The following SDK1 variants were observed in gnomAD, a reference collection of about 807,000 sequenced individuals.
SDK1 encodes sidekick cell adhesion molecule 1, also known as protein sidekick-1.
SDK1 carries 157 observed loss-of-function variants against 245.5 expected under a neutral mutation model. That is an observed-to-expected ratio of 0.64 (90% CI 0.56 to 0.73). The LOEUF is 0.73. SDK1 is among the 30% of genes least tolerant of loss of function. The pLI is 0.00. For synonymous variants in SDK1, 1,647 were observed against 1,278.5 expected (o/e 1.29, Z -6.15); for missense variants, 3,583 against 3,002.3 (o/e 1.19, Z -4.52).
rs539396350 is a variant in SDK1, at chr7:3,865,460, T to C, written c.847+43877T>C. On this transcript the variant is annotated intron_variant, in intron 5 of 44. Transcript: ENST00000404826. Reference sequence around the variant, plus strand: ...TGCTTTGTAGGCAGAAATGAAAGAATAGCCACCAGATAGAAACCAGGTGTC... The same window carrying C: ...TGCTTTGTAGGCAGAAATGAAAGAACAGCCACCAGATAGAAACCAGGTGTC... Among the ~76,000 whole-genome samples, 452 of 152,320 alleles carry C rather than the reference T, an allele frequency of 3.0e-3. 5 individuals carry two copies. Among genetic ancestry groups the C allele is most frequent in the African/African-American group, 0.011 (440 of 41,578 alleles).
At chr7:3,443,642 C>A (rs1008994428) in intron 1 of SDK1, among the ~76,000 whole-genome samples, 2 of 152,144 alleles carry the variant, frequency 1.3e-5, no homozygotes, top group African/African-American at 4.8e-5. Context: ...ACACTAGCCT[C>A]CATGCTGGTT....
At chr7:4,051,524 C>T in intron 18 of SDK1, 114 bp from the exon 19 acceptor site, 1 of 889,992 alleles carries the variant, frequency 1.1e-6, no homozygotes. Flanking sequence ...GATTTATGGA[C>T]TTTCTTAATT....
intron 4 of SDK1, among the ~76,000 whole-genome samples, chr7:3,687,448 T>C (rs1784320153): frequency 6.6e-6 from 1 of 152,182 alleles, no homozygotes; most frequent in African/African-American, 2.4e-5. Flanking sequence ...TTATTCATAA[T>C]CACCCCAAAC....
intron 4 of SDK1, among the ~76,000 whole-genome samples, chr7:3,789,181 C>T (rs1781003431): frequency 6.6e-6 from 1 of 152,074 alleles, no homozygotes. Context: ...GAGTTTCACT[C>T]CTGTTACCCA....
chr7:4,176,352 A>G (rs1584374074), intron 34 of SDK1, among the ~76,000 whole-genome samples: 1 of 151,922 alleles, frequency 6.6e-6, no homozygotes, highest in South Asian at 2.1e-4. Flanking sequence ...TTGTTTTTTA[A>G]GAGACGGGTT....
intron 4 of SDK1, among the ~76,000 whole-genome samples, chr7:3,661,852 T>A (rs1783370373): frequency 6.6e-6 from 1 of 152,080 alleles, no homozygotes; most frequent in Admixed American, 6.5e-5. Flanking sequence ...TGTGTAAAGC[T>A]GGTGTAGTAA....
At chr7:3,331,609 C>T (rs922852131) in intron 1 of SDK1, among the ~76,000 whole-genome samples, 3 of 152,156 alleles carry the variant, frequency 2.0e-5, no homozygotes, top group African/African-American at 4.8e-5. Context: ...AGTGCAAAAG[C>T]GTTTAATTCT....
At chr7:4,194,153 G>C (rs1466302341) in intron 35 of SDK1, among the ~76,000 whole-genome samples, 1 of 151,988 alleles carries the variant, frequency 6.6e-6, no homozygotes, top group Non-Finnish European at 1.5e-5. Flanking sequence ...ACCAAAATCT[G>C]TATTAGTCAG....
intron 13 of SDK1, among the ~76,000 whole-genome samples, chr7:3,974,928 C>T (rs1434257819): frequency 6.6e-5 from 10 of 152,146 alleles, no homozygotes; most frequent in Non-Finnish European, 1.3e-4. Context: ...TGGAGTGGGA[C>T]TGCTGAGGCG....
rs111467979 is a variant in SDK1, at chr7:3,479,963, G to A, written c.299-139117G>A. Among the ~76,000 whole-genome samples the A allele has an allele frequency of 3.3e-4, 50 of 151,866 alleles. 1 individual carries two copies. The highest frequency in any genetic ancestry group is 8.2e-4 in the African/African-American group (34 of 41,380). ...ATATGCTTTGAAGCTATGTTATTAG[G>A]TACTGTGATAGGCAGAATAATGCCC... On this transcript the variant is annotated intron_variant, in intron 1 of 44. Coordinates refer to ENST00000404826, the MANE Select transcript of SDK1 (RefSeq NM_152744.4).
intron 4 of SDK1, among the ~76,000 whole-genome samples, chr7:3,649,331 C>T (rs560052118): frequency 2.6e-5 from 4 of 152,086 alleles, no homozygotes; most frequent in Admixed American, 1.3e-4. Flanking sequence ...TTTCAAAGTT[C>T]ATAGATGGAT....
At chr7:3,888,561 A>G (rs1781388124) in intron 5 of SDK1, among the ~76,000 whole-genome samples, 1 of 152,388 alleles carries the variant, frequency 6.6e-6, no homozygotes, top group African/African-American at 2.4e-5. Context: ...TAATTCCTTG[A>G]TAATGGCATT....
chr7:3,475,258 C>CT (rs986872697), intron 1 of SDK1, among the ~76,000 whole-genome samples: 2 of 152,170 alleles, frequency 1.3e-5, no homozygotes, highest in African/African-American at 4.8e-5. Context: ...CTGGCCCTTC[C>CT]TTGGATACTT....
intron 1 of SDK1, among the ~76,000 whole-genome samples, chr7:3,598,270 G>C (rs1005810017): frequency 6.6e-6 from 1 of 152,094 alleles, no homozygotes; most frequent in Non-Finnish European, 1.5e-5. Context: ...TCATTGATGA[G>C]TAGGCATTCT....
intron 35 of SDK1, among the ~76,000 whole-genome samples, chr7:4,181,834 G>A (rs1277654585): frequency 2.0e-5 from 3 of 152,220 alleles, no homozygotes; most frequent in Non-Finnish European, 2.9e-5. Flanking sequence ...CAGCAGAGCC[G>A]GTTCCCACAG....
chr7:3,580,264 A>G (rs767745640), intron 1 of SDK1, among the ~76,000 whole-genome samples: 1 of 152,196 alleles, frequency 6.6e-6, no homozygotes, highest in Non-Finnish European at 1.5e-5. Flanking sequence ...ACTACCCATA[A>G]CATTCTTCAC....
At chr7:3,503,654 G>C (rs186065557) in intron 1 of SDK1, among the ~76,000 whole-genome samples, 1 of 152,040 alleles carries the variant, frequency 6.6e-6, no homozygotes, top group Non-Finnish European at 1.5e-5. Context: ...TCCAGCCTGG[G>C]TGATAGAGCC....
intron 1 of SDK1, among the ~76,000 whole-genome samples, chr7:3,491,597 C>T (rs762759897): frequency 6.6e-6 from 1 of 152,200 alleles, no homozygotes; most frequent in Non-Finnish European, 1.5e-5. Flanking sequence ...ATGAGATTTA[C>T]TTAGAAAGGG....
rs371754353 is a variant in SDK1 at position 4,145,832 on chromosome 7, G to A, written c.4339G>A (p.Ala1447Thr). 174 of 1,613,800 alleles carry A rather than the reference G, an allele frequency of 1.1e-4. No homozygotes were observed. The highest frequency in any genetic ancestry group is 1.7e-4 in the Middle Eastern group (1 of 6,060). The change falls in exon 29 of 45, where the codon GCA becomes ACA. Residue 1447 changes from alanine to threonine, a missense_variant. Transcript: ENST00000404826. ...AGCCACCGACCTGGCCCCGGAGTCC[G>A]CATACATCTTCAGGCTGTCCGCCAA... ...FTATDLAPES[A>T]YIFRLSAKTR...
Sources: allele counts gnomAD v4.1 joint callset (sites outside exome capture counted in the v4.1 genomes callset), GRCh38; gene constraint gnomAD v4.1.1; transcripts MANE v1.5; gene names NCBI Gene and HGNC (gene_info 2026-07-23, HGNC 2026-07-21).